CACUL1: variants seen among roughly 807,000 people sequenced by gnomAD.
The protein encoded by CACUL1 is CDK2-associated and cullin domain-containing protein 1.
A neutral mutation model predicts 45.2 loss-of-function variants in CACUL1; 13 were observed. That is an observed-to-expected ratio of 0.29 (90% CI 0.19 to 0.46). The LOEUF (loss-of-function observed/expected upper bound fraction) is 0.46. CACUL1 is among the 20% of genes least tolerant of loss of function. CACUL1 has a pLI of 1.00. For missense variants in CACUL1, 421 were observed against 471.4 expected, an observed-to-expected ratio of 0.89 and a Z score of 0.99; for synonymous variants, 197 against 174.2, an observed-to-expected ratio of 1.13 and a Z score of -1.03.
intron 8 of CACUL1, 149 bp from the exon 9 acceptor site, chr10:118,686,317 G>T: frequency 1.4e-6 from 1 of 714,156 alleles, no homozygotes. Flanking sequence ...GTGGGGTGGA[G>T]GGAAGTAAAA....
At chr10:118,716,425 T>A (rs1391334386) in intron 3 of CACUL1, among the ~76,000 whole-genome samples, 1 of 152,024 alleles carries the variant, frequency 6.6e-6, no homozygotes, top group African/African-American at 2.4e-5. Context: ...AATTTCTTTC[T>A]ATAACCTAAT....
At chr10:118,700,842 C>T (rs1032259920) in intron 5 of CACUL1, among the ~76,000 whole-genome samples, 5 of 151,936 alleles carry the variant, frequency 3.3e-5, no homozygotes, top group African/African-American at 1.2e-4. Flanking sequence ...CTCAGGGCCA[C>T]AAGAGGCAAA....
At chr10:118,710,325 T>C (rs886310933) in intron 3 of CACUL1, among the ~76,000 whole-genome samples, 7 of 152,172 alleles carry the variant, frequency 4.6e-5, no homozygotes, top group African/African-American at 1.4e-4. Context: ...CTGTCTACAG[T>C]TCTACAGTGA....
chr10:118,690,256 G>T (rs1047302989), intron 7 of CACUL1, among the ~76,000 whole-genome samples: 1 of 141,592 alleles, frequency 7.1e-6, no homozygotes, highest in East Asian at 2.1e-4. Flanking sequence ...AGCCGAGATT[G>T]CGCCACTGCA....
chr10:118,737,028 G>C (rs1377251129), intron 1 of CACUL1, among the ~76,000 whole-genome samples: 2 of 151,478 alleles, frequency 1.3e-5, no homozygotes, highest in Admixed American at 6.6e-5. Flanking sequence ...TGTTCCCACA[G>C]TGTACAAAAT....
chr10:118,709,257 T>C (rs929924239), intron 3 of CACUL1, among the ~76,000 whole-genome samples: 3 of 151,892 alleles, frequency 2.0e-5, no homozygotes, highest in African/African-American at 7.3e-5. Flanking sequence ...TGGGAGAAAA[T>C]CCGTGGATAA....
chr10:118,698,455 T>C (rs1454975486), intron 5 of CACUL1, among the ~76,000 whole-genome samples: 2 of 152,134 alleles, frequency 1.3e-5, no homozygotes, highest in Non-Finnish European at 2.9e-5. Flanking sequence ...ACATGCCTTT[T>C]ATCAAGAGGT....
At chr10:118,744,902 C>T (rs1227482952) in intron 1 of CACUL1, among the ~76,000 whole-genome samples, 1 of 152,114 alleles carries the variant, frequency 6.6e-6, no homozygotes, top group Non-Finnish European at 1.5e-5. Context: ...GATTCACCCA[C>T]CTCAGCCTCC....
Position 118,684,415 on chromosome 10 carries a change from T to C in CACUL1, c.*1713A>G, listed in dbSNP as rs1017381475. ...CCTTGATACTAGAATGTTACCAGTGTAGCAACTTAAACTGTCCAGGTCATA... is the reference window on the plus strand; with the variant it reads ...CCTTGATACTAGAATGTTACCAGTGCAGCAACTTAAACTGTCCAGGTCATA... On this transcript the variant is annotated 3_prime_UTR_variant, in exon 9 of 9. Transcript: ENST00000369151. The C allele has an allele frequency of 2.6e-5, 4 of 152,250 alleles. No homozygotes were observed. The highest frequency in any genetic ancestry group is 9.6e-5 in the African/African-American group (4 of 41,472). The allele number at this position is 152,250 out of a possible 1,614,324, so 9.4% of individuals were successfully genotyped here. A position where few individuals can be genotyped will look rare whatever the true frequency, so the allele number is the denominator to read the frequency against.
chr10:118,697,440 T>G (rs1308725895), intron 5 of CACUL1, among the ~76,000 whole-genome samples: 1 of 152,230 alleles, frequency 6.6e-6, no homozygotes, highest in Admixed American at 6.5e-5. Context: ...ATAAGCCGTA[T>G]AGTTTAAACA....
At chr10:118,691,521 T>C (rs1005946090) in intron 6 of CACUL1, 118 bp from the exon 7 acceptor site, 5 of 852,548 alleles carry the variant, frequency 5.9e-6, no homozygotes, top group African/African-American at 5.1e-5. Flanking sequence ...GGGAAAAAAT[T>C]AGTGCAATCC....
intron 1 of CACUL1, among the ~76,000 whole-genome samples, chr10:118,751,317 C>T (rs1201830575): frequency 1.3e-5 from 2 of 152,060 alleles, no homozygotes; most frequent in Non-Finnish European, 2.9e-5. Flanking sequence ...CTTCCCTGTC[C>T]CTAGGGAAAG....
At chr10:118,698,552 C>T (rs575847140) in intron 5 of CACUL1, among the ~76,000 whole-genome samples, 113 of 152,242 alleles carry the variant, frequency 7.4e-4, no homozygotes, top group African/African-American at 1.6e-3. Flanking sequence ...GTTTCTGAGC[C>T]GAGGACCTAA....
At chr10:118,691,225 T>G (rs769307363) in intron 7 of CACUL1, 40 bp downstream of exon 7, 4 of 1,575,284 alleles carry the variant, frequency 2.5e-6, no homozygotes, top group Non-Finnish European at 3.5e-6. Flanking sequence ...CCTAGGGAAA[T>G]GGACATATTT....
Position 118,729,531 on chromosome 10 carries a change from C to A in CACUL1, c.495-134G>T, listed in dbSNP as rs998009667. The A allele has an allele frequency of 9.3e-6, 6 of 647,944 alleles. No homozygotes were observed. In the East Asian group the frequency reaches 1.1e-4, roughly 12 times the overall value. The allele number at this position is 647,944 out of a possible 1,614,324, so 40.1% of individuals were successfully genotyped here. A position where few individuals can be genotyped will look rare whatever the true frequency, so the allele number is the denominator to read the frequency against. ...ACCTTCAAAAAGTAACCAATCACAA[C>A]TTTTAAATAAAAACTTTATCCTCCC... On this transcript the variant is annotated intron_variant, in intron 2 of 8. Transcript: ENST00000369151.
rs1266838067 is a variant in CACUL1 at position 118,686,293 on chromosome 10, A to T, written c.1070-125T>A. On this transcript the variant is annotated intron_variant, in intron 8 of 8. Transcript: ENST00000369151. ...ACTCCCCAAAAAAGGCTTAAAAAAAATCCTCAAAACCATGTGGGGTGGAGG... is the reference window on the plus strand; with the variant it reads ...ACTCCCCAAAAAAGGCTTAAAAAAATTCCTCAAAACCATGTGGGGTGGAGG... 1.4e-5 allele frequency: 12 copies of T among 843,018 alleles called. No individual in the cohort carries two copies. The Middle Eastern group carries it at 8.9e-4, about 63-fold the overall frequency. 52.2% of individuals were successfully genotyped at this position (843,018 alleles called of 1,614,324 possible).
At chr10:118,735,961 G>A (rs148020254) in intron 1 of CACUL1, among the ~76,000 whole-genome samples, 3 of 152,102 alleles carry the variant, frequency 2.0e-5, no homozygotes, top group Admixed American at 6.6e-5. Context: ...GTTAATGTAT[G>A]CTATCTAAAA....
At chr10:118,710,652 C>A (rs898323099) in intron 3 of CACUL1, among the ~76,000 whole-genome samples, 2 of 152,190 alleles carry the variant, frequency 1.3e-5, no homozygotes, top group South Asian at 2.1e-4. Flanking sequence ...ACTGCACTCA[C>A]TTCCCTCACT....
chr10:118,730,648 TAAC>T (rs1208366424), intron 1 of CACUL1, among the ~76,000 whole-genome samples: 1 of 152,200 alleles, frequency 6.6e-6, no homozygotes, highest in Admixed American at 6.5e-5. Context: ...TCTTTAAAAA[TAAC>T]AACCAAACAA....
Sources: gnomAD v4.1 joint callset for allele counts (sites outside exome capture counted in the v4.1 genomes callset) on GRCh38, gnomAD v4.1.1 for gene constraint, MANE v1.5 for transcripts, NCBI Gene and HGNC (gene_info 2026-07-23, HGNC 2026-07-21) for gene names.